The following MROH9 variants were observed in gnomAD, a reference collection of about 807,000 sequenced individuals.
MROH9 encodes the protein maestro heat like repeat family member 9.
In MROH9, 92 loss-of-function variants were observed where a neutral mutation model predicts 98.2. That is an observed-to-expected ratio of 0.94 (90% CI 0.79 to 1.11). The LOEUF is 1.11. Ranked by LOEUF, MROH9 falls within the 50% of genes most tolerant of loss-of-function variation. The pLI, the probability that MROH9 is intolerant of heterozygous loss-of-function variation, is 0.00. For missense variants in MROH9, 1,057 were observed against 1,014.8 expected (o/e 1.04, Z -0.57); for synonymous variants, 397 against 368.9 (o/e 1.08, Z -0.87).
chr1:170,975,934 C>A (rs981082291), intron 8 of MROH9, among the ~76,000 whole-genome samples: 1 of 151,900 alleles, frequency 6.6e-6, no homozygotes, highest in South Asian at 2.1e-4. Context: ...TGATCTTTGT[C>A]GGCTTAAAGT....
chr1:170,993,234 G>T (rs909898313), intron 12 of MROH9, among the ~76,000 whole-genome samples: 1 of 152,104 alleles, frequency 6.6e-6, no homozygotes, highest in African/African-American at 2.4e-5. Flanking sequence ...AATAAAGTTT[G>T]TTTTTTCCAT....
At chr1:170,941,819 G>A (rs1006819973) in intron 1 of MROH9, among the ~76,000 whole-genome samples, 8 of 152,116 alleles carry the variant, frequency 5.3e-5, no homozygotes, top group African/African-American at 1.2e-4. Flanking sequence ...GGACACTCCC[G>A]GCGTGAGGGA....
intron 10 of MROH9, 78 bp downstream of exon 10, chr1:170,986,788 T>G (rs1651154106): frequency 7.1e-7 from 1 of 1,406,886 alleles, no homozygotes. Context: ...GTATGTCCAC[T>G]TCTTTTTATA....
intron 20 of MROH9, among the ~76,000 whole-genome samples, chr1:171,053,244 A>C (rs112510769): frequency 4.3e-3 from 648 of 152,314 alleles, no homozygotes; most frequent in Non-Finnish European, 6.4e-3. Context: ...TGCTCATGGT[A>C]GCCATCACTG....
intron 1 of MROH9, among the ~76,000 whole-genome samples, chr1:170,941,379 G>T (rs1649113626): frequency 6.6e-6 from 1 of 152,024 alleles, no homozygotes; most frequent in African/African-American, 2.4e-5. Flanking sequence ...CCTGGGAAAT[G>T]ACTGAGGGAT....
intron 20 of MROH9, among the ~76,000 whole-genome samples, chr1:171,037,637 T>G (rs1269607020): frequency 1.3e-5 from 2 of 151,910 alleles, no homozygotes; most frequent in Non-Finnish European, 2.9e-5. Flanking sequence ...AAAGTTAGCA[T>G]GCAAGAATAA....
intron 3 of MROH9, among the ~76,000 whole-genome samples, chr1:170,951,677 G>A (rs774815778): frequency 6.6e-5 from 10 of 152,126 alleles, no homozygotes; most frequent in Non-Finnish European, 1.2e-4. Context: ...ATCAAGGTGC[G>A]TGAATGTGAT....
chr1:170,936,266 A>G (rs1209752663), intron 1 of MROH9, among the ~76,000 whole-genome samples: 2 of 152,176 alleles, frequency 1.3e-5, no homozygotes, highest in East Asian at 1.9e-4. Flanking sequence ...AGGAGATCCA[A>G]TGGTGCAGTT....
intron 1 of MROH9, among the ~76,000 whole-genome samples, chr1:170,935,794 C>T (rs574306019): frequency 2.0e-4 from 31 of 151,838 alleles, no homozygotes; most frequent in African/African-American, 7.2e-4. Flanking sequence ...GAGGTCGAGA[C>T]CACCCTAGGC....
intron 15 of MROH9, among the ~76,000 whole-genome samples, chr1:171,009,424 AT>A (rs1409373150): frequency 1.3e-5 from 2 of 152,214 alleles, no homozygotes; most frequent in African/African-American, 4.8e-5. Context: ...GTTTATTGGT[AT>A]TGTATATTGA....
At chr1:171,035,321 C>A (rs1390589561) in intron 20 of MROH9, among the ~76,000 whole-genome samples, 3 of 150,974 alleles carry the variant, frequency 2.0e-5, no homozygotes, top group African/African-American at 7.3e-5. Flanking sequence ...AAAGAGAAAA[C>A]ATAGAGACAA....
intron 8 of MROH9, among the ~76,000 whole-genome samples, chr1:170,980,587 A>T (rs910001299): frequency 3.9e-5 from 6 of 152,170 alleles, no homozygotes; most frequent in African/African-American, 1.2e-4. Flanking sequence ...CTGAAACTGG[A>T]CCCCTTCCTT....
intron 21 of MROH9, among the ~76,000 whole-genome samples, chr1:171,062,988 C>T (rs1248836032): frequency 6.6e-6 from 1 of 152,064 alleles, no homozygotes; most frequent in Non-Finnish European, 1.5e-5. Flanking sequence ...TCCTTATTCA[C>T]TCATCCATTC....
intron 13 of MROH9, 36 bp downstream of exon 13, chr1:170,995,567 G>A (rs1350904648): frequency 3.1e-6 from 5 of 1,609,020 alleles, no homozygotes; most frequent in Non-Finnish European, 4.2e-6. Context: ...TTAAATAAGA[G>A]ATAAGCGTCC....
At chr1:170,976,370 T>C (rs1458510580) in intron 8 of MROH9, among the ~76,000 whole-genome samples, 1 of 152,180 alleles carries the variant, frequency 6.6e-6, no homozygotes, top group East Asian at 1.9e-4. Flanking sequence ...CATTTGCTTG[T>C]CTAAAAAGGG....
chr1:170,936,474 T>C (rs1342137227), intron 1 of MROH9, among the ~76,000 whole-genome samples: 1 of 152,192 alleles, frequency 6.6e-6, no homozygotes, highest in Non-Finnish European at 1.5e-5. Context: ...TTAGGGAGTG[T>C]CATCTCCTAT....
chr1:171,001,716 G>T (rs1173349573), intron 15 of MROH9, among the ~76,000 whole-genome samples: 1 of 151,990 alleles, frequency 6.6e-6, no homozygotes, highest in Non-Finnish European at 1.5e-5. Context: ...TGTATTCTGT[G>T]GTTGTTGGAT....
At chr1:170,958,104 C>T (rs984514213) in intron 3 of MROH9, among the ~76,000 whole-genome samples, 7 of 151,826 alleles carry the variant, frequency 4.6e-5, no homozygotes, top group East Asian at 2.0e-4. Context: ...CCACCACGCC[C>T]GGCGCTGCTG....
chr1:170,942,735 A>G (rs1649173405), intron 1 of MROH9, among the ~76,000 whole-genome samples: 1 of 152,172 alleles, frequency 6.6e-6, no homozygotes, highest in Admixed American at 6.5e-5. Flanking sequence ...ATGTGAGGAA[A>G]GCAAGGTGAG....
Sources: gnomAD v4.1 joint callset for allele counts (sites outside exome capture counted in the v4.1 genomes callset) on GRCh38, gnomAD v4.1.1 for gene constraint, MANE v1.5 for transcripts, NCBI Gene and HGNC (gene_info 2026-07-23, HGNC 2026-07-21) for gene names.